The following LPP variants were observed in gnomAD, a reference collection of about 807,000 sequenced individuals.
LPP encodes LIM domain containing preferred translocation partner in lipoma.
A neutral mutation model predicts 60.4 loss-of-function variants in LPP; 38 were observed. The observed-to-expected ratio is 0.63, with a 90% CI of 0.49 to 0.83. The LOEUF (loss-of-function observed/expected upper bound fraction) is 0.83. Ranked by LOEUF, LPP falls within the 40% of genes least tolerant of loss-of-function variation. The pLI is 0.00. For missense variants in LPP, 902 were observed against 783.6 expected (o/e 1.15, Z -1.80); for synonymous variants, 328 against 290.8 (o/e 1.13, Z -1.30).
chr3:188,257,491 A>G (rs1446162824), intron 2 of LPP, among the ~76,000 whole-genome samples: 1 of 152,230 alleles, frequency 6.6e-6, no homozygotes, highest in African/African-American at 2.4e-5. Flanking sequence ...GAAAGACACA[A>G]CTGAGGGAAA....
intron 4 of LPP, among the ~76,000 whole-genome samples, chr3:188,414,995 T>A (rs1029534971): frequency 6.6e-6 from 1 of 152,194 alleles, no homozygotes; most frequent in Non-Finnish European, 1.5e-5. Context: ...GAAATCTCTT[T>A]TATTTTGTAA....
At chr3:188,555,561 G>A (rs1331154692) in intron 6 of LPP, among the ~76,000 whole-genome samples, 1 of 152,080 alleles carries the variant, frequency 6.6e-6, no homozygotes, top group Non-Finnish European at 1.5e-5. Context: ...GAGCAGATCA[G>A]ATGTGGAATA....
At chr3:188,261,029 T>G (rs1196970993) in intron 2 of LPP, among the ~76,000 whole-genome samples, 2 of 152,038 alleles carry the variant, frequency 1.3e-5, no homozygotes, top group Admixed American at 1.3e-4. Flanking sequence ...GCTGAGATAG[T>G]GTCACTGCAC....
intron 2 of LPP, among the ~76,000 whole-genome samples, chr3:188,328,899 C>T (rs187600827): frequency 5.3e-5 from 8 of 152,238 alleles, no homozygotes; most frequent in Admixed American, 6.5e-5. Context: ...AAGATTGATA[C>T]GTTTCAATGC....
chr3:188,571,135 C>G (rs967178834), intron 6 of LPP, among the ~76,000 whole-genome samples: 1 of 151,956 alleles, frequency 6.6e-6, no homozygotes, highest in Non-Finnish European at 1.5e-5. Flanking sequence ...GAAGATTTTC[C>G]TTCTGGGCAA....
At chr3:188,528,742 G>A (rs763217016) in intron 6 of LPP, among the ~76,000 whole-genome samples, 28 of 152,068 alleles carry the variant, frequency 1.8e-4, no homozygotes, top group Non-Finnish European at 1.6e-4. Flanking sequence ...TTTGAGCACT[G>A]CGTGAGCACA....
rs115369569 is a variant in LPP at position 188,287,247 on chromosome 3, C to T, written c.-66-54416C>T. On this transcript the variant is annotated intron_variant, in intron 2 of 11. Coordinates refer to ENST00000617246, the MANE Select transcript of LPP (RefSeq NM_001375462.1). Reference sequence around the variant, plus strand: ...CAAGTTTCCACCAGCCTCATATCTCCCTTGGCTTATAATATTCAAGTGTTC... The same window carrying T: ...CAAGTTTCCACCAGCCTCATATCTCTCTTGGCTTATAATATTCAAGTGTTC... Among the ~76,000 whole-genome samples the T allele has an allele frequency of 3.7e-3, 569 of 152,334 alleles. 7 individuals are homozygous for T. Among genetic ancestry groups the T allele is most frequent in the African/African-American group, 0.013 (533 of 41,574 alleles).
chr3:188,509,665 C>T (rs1215076455), intron 5 of LPP, among the ~76,000 whole-genome samples: 1 of 34,166 alleles, frequency 2.9e-5, no homozygotes, highest in African/African-American at 1.0e-4. Flanking sequence ...TTCCTTCCTT[C>T]CTTCCTTCCT....
chr3:188,731,538 T>TTTGTTTTGTTTTGTTTTG (rs780130829), intron 8 of LPP, among the ~76,000 whole-genome samples: 1 of 152,064 alleles, frequency 6.6e-6, no homozygotes, highest in Non-Finnish European at 1.5e-5. Flanking sequence ...TTTGTTTTGT[T>TTTGTTTTGTTTTGTTTTG]TTGAGATGGA....
chr3:188,741,301 C>T (rs971410238), intron 8 of LPP, among the ~76,000 whole-genome samples: 2 of 151,846 alleles, frequency 1.3e-5, no homozygotes, highest in African/African-American at 4.8e-5. Context: ...TGTATCTATC[C>T]TTGTGCTGGT....
At chr3:188,238,930 T>A (rs1722853950) in intron 2 of LPP, among the ~76,000 whole-genome samples, 2 of 152,312 alleles carry the variant, frequency 1.3e-5, no homozygotes, top group South Asian at 2.1e-4. Flanking sequence ...TAAAGTGAAG[T>A]GCAATAAAAC....
rs147035523 is a variant in LPP, at chr3:188,163,825, C to T, written c.-190+9573C>T. 3.7e-3 allele frequency among the ~76,000 whole-genome samples: 564 copies of T among 150,460 alleles called. 19 individuals are homozygous for T. The East Asian group carries it at 0.074, about 20-fold the overall frequency. On this transcript the variant is annotated intron_variant, in intron 1 of 11. Transcript: ENST00000617246. Reference sequence around the variant, plus strand: ...AATTAGCCAGGTGTGGTAGTGGGCGCCTGTAATCCCAGCTACTCGGGAGGC... The same window carrying T: ...AATTAGCCAGGTGTGGTAGTGGGCGTCTGTAATCCCAGCTACTCGGGAGGC...
At chr3:188,467,391 T>C (rs775113517) in intron 4 of LPP, among the ~76,000 whole-genome samples, 1 of 152,114 alleles carries the variant, frequency 6.6e-6, no homozygotes, top group Non-Finnish European at 1.5e-5. Flanking sequence ...ACTTTTGCTC[T>C]TGTCTATACT....
intron 1 of LPP, chr3:188,180,072 A>G (rs1315237389): frequency 6.5e-6 from 1 of 153,758 alleles, no homozygotes; most frequent in African/African-American, 2.4e-5. Context: ...AATTAAGGAG[A>G]ACCATTTTGT....
intron 10 of LPP, among the ~76,000 whole-genome samples, chr3:188,868,601 A>G (rs1219368985): frequency 6.6e-6 from 1 of 152,226 alleles, no homozygotes; most frequent in African/African-American, 2.4e-5. Flanking sequence ...GAAAATAAGA[A>G]ACTGTTTTAT....
At chr3:188,449,437 T>C (rs1796086174) in intron 4 of LPP, among the ~76,000 whole-genome samples, 1 of 152,232 alleles carries the variant, frequency 6.6e-6, no homozygotes, top group Admixed American at 6.5e-5. Flanking sequence ...ACAATAATCA[T>C]GCCTAACATT....
chr3:188,496,395 G>A (rs1323133561), intron 5 of LPP, among the ~76,000 whole-genome samples: 1 of 152,142 alleles, frequency 6.6e-6, no homozygotes, highest in Non-Finnish European at 1.5e-5. Context: ...CCAAAGTGCT[G>A]GGATTACAGG....
chr3:188,408,384 A>G (rs1784167888), intron 4 of LPP, among the ~76,000 whole-genome samples: 1 of 152,102 alleles, frequency 6.6e-6, no homozygotes, highest in Admixed American at 6.5e-5. Context: ...CTTTACTGTG[A>G]ATTTGACATG....
chr3:188,859,397 G>A lies in LPP; in HGVS notation c.1411-6803G>A, dbSNP rs74697321. Among the ~76,000 whole-genome samples, 3 of 152,100 alleles carry A rather than the reference G, an allele frequency of 2.0e-5. 1 individual carries two copies. The highest frequency in any genetic ancestry group is 4.8e-5 in the African/African-American group (2 of 41,410). On this transcript the variant is annotated intron_variant, in intron 9 of 11. Coordinates refer to ENST00000617246, the MANE Select transcript of LPP (RefSeq NM_001375462.1). Reference sequence around the variant, plus strand: ...CTGCCTGCTCTCTCACCATTCATAAGTAATTACTCTCTTCTCTGCATTCCC... The same window carrying A: ...CTGCCTGCTCTCTCACCATTCATAAATAATTACTCTCTTCTCTGCATTCCC...
Sources: gnomAD v4.1 joint callset for allele counts (sites outside exome capture counted in the v4.1 genomes callset) on GRCh38, gnomAD v4.1.1 for gene constraint, MANE v1.5 for transcripts, NCBI Gene and HGNC (gene_info 2026-07-23, HGNC 2026-07-21) for gene names.